Variants in CNTNAP2 observed in about 807,000 individuals in gnomAD.
CNTNAP2 encodes the protein contactin-associated protein-like 2.
A neutral mutation model predicts 155.2 loss-of-function variants in CNTNAP2; 98 were observed. That is an observed-to-expected ratio of 0.63 (90% CI 0.54 to 0.75). The LOEUF is 0.75. Ranked by LOEUF, CNTNAP2 falls within the 30% of genes least tolerant of loss-of-function variation. CNTNAP2 has a pLI of 0.00. For missense variants in CNTNAP2, 1,727 were observed against 1,688.1 expected, an observed-to-expected ratio of 1.02 and a Z score of -0.40; for synonymous variants, 651 against 631.2, an observed-to-expected ratio of 1.03 and a Z score of -0.47.
intron 1 of CNTNAP2, among the ~76,000 whole-genome samples, chr7:146,716,431 T>A (rs953134262): frequency 6.6e-6 from 1 of 152,138 alleles, no homozygotes; most frequent in East Asian, 1.9e-4. Flanking sequence ...CTTTGGAGGT[T>A]TTTGTTTAAT....
chr7:147,712,543 A>G (rs186946717), intron 13 of CNTNAP2, among the ~76,000 whole-genome samples: 1 of 152,324 alleles, frequency 6.6e-6, no homozygotes, highest in East Asian at 1.9e-4. Flanking sequence ...TGGCACATAT[A>G]CACCGTGGAA....
At position 146,472,218 on chromosome 7, in the gene CNTNAP2, G is replaced by C. The variant is rs376566488; in HGVS notation, c.98-302053G>C. On this transcript the variant is annotated intron_variant, in intron 1 of 23. Coordinates refer to ENST00000361727, the MANE Select transcript of CNTNAP2 (RefSeq NM_014141.6). ...TTAATATATTTAGACCTAATGTAGG[G>C]AATATGGAGGTCTGCGCTATATATG... Among the ~76,000 whole-genome samples, 8 of 152,126 alleles carry C rather than the reference G, an allele frequency of 5.3e-5. No individual in the cohort carries two copies. In the East Asian group the frequency reaches 1.2e-3, roughly 22 times the overall value.
At chr7:146,213,884 C>T (rs1799074029) in intron 1 of CNTNAP2, among the ~76,000 whole-genome samples, 1 of 152,018 alleles carries the variant, frequency 6.6e-6, no homozygotes, top group African/African-American at 2.4e-5. Flanking sequence ...AAATCCATGG[C>T]ATTAATTTTT....
chr7:147,495,068 G>A (rs1798679158), intron 11 of CNTNAP2, among the ~76,000 whole-genome samples: 1 of 152,106 alleles, frequency 6.6e-6, no homozygotes, highest in South Asian at 2.1e-4. Flanking sequence ...AGTAGACAAG[G>A]TAGTTTTAAA....
At chr7:147,763,149 C>T (rs927705397) in intron 13 of CNTNAP2, among the ~76,000 whole-genome samples, 13 of 151,736 alleles carry the variant, frequency 8.6e-5, no homozygotes, top group African/African-American at 3.1e-4. Flanking sequence ...ATCCCAGCTA[C>T]TCGGGAGGCT....
intron 13 of CNTNAP2, among the ~76,000 whole-genome samples, chr7:147,667,058 C>T (rs1264153744): frequency 3.3e-5 from 5 of 152,206 alleles, no homozygotes; most frequent in South Asian, 4.2e-4. Context: ...GAAGTTTGTT[C>T]GCAATGTTGA....
intron 1 of CNTNAP2, among the ~76,000 whole-genome samples, chr7:146,610,074 T>G (rs993239841): frequency 6.6e-6 from 1 of 152,204 alleles, no homozygotes; most frequent in East Asian, 1.9e-4. Flanking sequence ...TTTTAACCAA[T>G]TAAAATACAA....
intron 1 of CNTNAP2, among the ~76,000 whole-genome samples, chr7:146,494,335 CA>C (rs1310759589): frequency 6.9e-6 from 1 of 145,888 alleles, no homozygotes; most frequent in Non-Finnish European, 1.5e-5. Flanking sequence ...CTCTATGTCT[CA>C]AAAAAAATAA....
rs917514491 is a variant in CNTNAP2 at position 148,147,833 on chromosome 7, G to T, written c.2773+124G>T. The stretch of plus-strand genomic sequence containing the variant: ...TAGAGATCCTTCCAAAAGTAAAGGT[G>T]TTGGCCTCTTGTAGTCTCCTTCAAG... On this transcript the variant is annotated intron_variant, in intron 17 of 23. Coordinates refer to ENST00000361727, the MANE Select transcript of CNTNAP2 (RefSeq NM_014141.6). The T allele has an allele frequency of 1.5e-5, 15 of 976,754 alleles. No homozygotes were observed. The South Asian group carries it at 1.9e-4, about 12-fold the overall frequency. The allele number at this position is 976,754 out of a possible 1,614,324, so 60.5% of individuals were successfully genotyped here.
chr7:147,483,783 C>A (rs1798466303), intron 10 of CNTNAP2, among the ~76,000 whole-genome samples: 1 of 152,076 alleles, frequency 6.6e-6, no homozygotes, highest in South Asian at 2.1e-4. Flanking sequence ...TATGCAGAAC[C>A]ACCTGCTCTG....
intron 21 of CNTNAP2, among the ~76,000 whole-genome samples, chr7:148,306,333 C>T (rs1797492292): frequency 1.3e-5 from 2 of 152,122 alleles, no homozygotes; most frequent in South Asian, 4.1e-4. Flanking sequence ...CACATGGGGC[C>T]TTTTAATCTG....
intron 8 of CNTNAP2, among the ~76,000 whole-genome samples, chr7:147,281,499 C>T (rs1326247218): frequency 6.6e-6 from 1 of 151,528 alleles, no homozygotes; most frequent in Admixed American, 6.6e-5. Flanking sequence ...ATATACTTTC[C>T]TTTAGTATAT....
intron 1 of CNTNAP2, among the ~76,000 whole-genome samples, chr7:146,676,028 G>A (rs1257101396): frequency 1.3e-5 from 2 of 151,930 alleles, no homozygotes; most frequent in Admixed American, 6.6e-5. Flanking sequence ...GGATTCTTTT[G>A]GATATAAATT....
chr7:146,587,939 G>T (rs1179600032), intron 1 of CNTNAP2, among the ~76,000 whole-genome samples: 1 of 151,918 alleles, frequency 6.6e-6, no homozygotes, highest in Non-Finnish European at 1.5e-5. Context: ...CTCCTAAAGT[G>T]CTGGGATTAC....
At position 148,280,525 on chromosome 7, in the gene CNTNAP2, C is replaced by T. The variant is rs74511379; in HGVS notation, c.3475+13399C>T. ...GTACTCCTGATTTGCAAAATGTCTC[C>T]AATGGGGAAACTGGGCAAAATACAC... On this transcript the variant is annotated intron_variant, in intron 21 of 23. Transcript: ENST00000361727. 1.2e-3 allele frequency among the ~76,000 whole-genome samples: 188 copies of T among 152,258 alleles called. 3 individuals carry two copies. The East Asian group carries it at 0.021, about 17-fold the overall frequency.
At chr7:147,760,449 G>A (rs370278555) in intron 13 of CNTNAP2, among the ~76,000 whole-genome samples, 2 of 152,212 alleles carry the variant, frequency 1.3e-5, no homozygotes, top group South Asian at 2.1e-4. Context: ...TTGAGTAAAC[G>A]AAGATACATC....
intron 2 of CNTNAP2, among the ~76,000 whole-genome samples, chr7:146,821,118 A>T (rs1353024816): frequency 1.3e-5 from 2 of 152,078 alleles, no homozygotes; most frequent in Non-Finnish European, 2.9e-5. Context: ...CTCTTTATCC[A>T]ATTTGCCAGT....
At chr7:147,892,083 T>C (rs1027369506) in intron 13 of CNTNAP2, among the ~76,000 whole-genome samples, 2 of 152,016 alleles carry the variant, frequency 1.3e-5, no homozygotes, top group African/African-American at 2.4e-5. Flanking sequence ...AAATTTAGTA[T>C]TGATTCATGC....
chr7:147,341,442 A>T (rs76206459), intron 9 of CNTNAP2, among the ~76,000 whole-genome samples: 120,357 of 151,390 alleles, frequency 0.8, 48,430 homozygotes, highest in African/African-American at 0.92. Context: ...TATAAAAAAA[A>T]AATTTAAAAA....
Sources: allele counts gnomAD v4.1 joint callset (sites outside exome capture counted in the v4.1 genomes callset), GRCh38; gene constraint gnomAD v4.1.1; transcripts MANE v1.5; gene names NCBI Gene and HGNC (gene_info 2026-07-23, HGNC 2026-07-21).